LIN7A: variants seen among roughly 807,000 people sequenced by gnomAD.
The protein encoded by LIN7A is lin-7 cell polarity scaffold A.
LIN7A carries 25 observed loss-of-function variants against 29.8 expected under a neutral mutation model. The observed-to-expected ratio is 0.84, with a 90% CI of 0.61 to 1.17. The LOEUF (loss-of-function observed/expected upper bound fraction) is 1.17, where lower values mean the gene tolerates loss of function less well. Ranked by LOEUF, LIN7A falls within the 50% of genes most tolerant of loss-of-function variation. LIN7A has a pLI of 0.00. For synonymous variants in LIN7A, 118 were observed against 107.5 expected (o/e 1.10, Z -0.60); for missense variants, 239 against 287.0 (o/e 0.83, Z 1.21).
intron 1 of LIN7A, among the ~76,000 whole-genome samples, chr12:80,916,842 A>G (rs1877052825): frequency 6.6e-6 from 1 of 152,148 alleles, no homozygotes; most frequent in African/African-American, 2.4e-5. Context: ...GCTTTCCCGC[A>G]GAGAGAGCAA....
chr12:80,848,652 G>T (rs1269531457), intron 2 of LIN7A, among the ~76,000 whole-genome samples: 1 of 151,878 alleles, frequency 6.6e-6, no homozygotes, highest in Non-Finnish European at 1.5e-5. Flanking sequence ...AAACTTAAAG[G>T]ATGCCTTGAG....
intron 2 of LIN7A, among the ~76,000 whole-genome samples, chr12:80,876,270 C>A (rs1173928074): frequency 1.3e-5 from 2 of 151,946 alleles, no homozygotes; most frequent in Non-Finnish European, 2.9e-5. Flanking sequence ...GGGATGAGAA[C>A]CTAGAAACAG....
intron 1 of LIN7A, among the ~76,000 whole-genome samples, chr12:80,922,726 G>T (rs1040166673): frequency 1.3e-5 from 2 of 152,112 alleles, no homozygotes; most frequent in African/African-American, 4.8e-5. Context: ...GTCAATCTCT[G>T]TCCAAAAATA....
chr12:80,856,594 G>T (rs1873612558), intron 2 of LIN7A, among the ~76,000 whole-genome samples: 1 of 152,168 alleles, frequency 6.6e-6, no homozygotes, highest in South Asian at 2.1e-4. Context: ...CTTCGTGTAG[G>T]CTATTAGCTC....
At chr12:80,813,404 A>G (rs1424858208) in intron 4 of LIN7A, among the ~76,000 whole-genome samples, 1 of 152,160 alleles carries the variant, frequency 6.6e-6, no homozygotes, top group African/African-American at 2.4e-5. Flanking sequence ...GACTGCTAAT[A>G]ACTTAACAAA....
Position 80,845,715 on chromosome 12 carries a change from A to C in LIN7A, c.483+15T>G. 6.3e-7 allele frequency: 1 copy of C among 1,595,074 alleles called. No individual in the cohort carries two copies. Among genetic ancestry groups the C allele is most frequent in the South Asian group, 1.1e-5 (1 of 87,506 alleles). The stretch of plus-strand genomic sequence containing the variant: ...GTGCTTAAGGAGAAAATCTCTGGTT[A>C]TTTTATAAACATACCACTCCGTTCA... On this transcript the variant is annotated intron_variant, in intron 4 of 5. Transcript: ENST00000552864.
intron 1 of LIN7A, among the ~76,000 whole-genome samples, chr12:80,928,977 G>A (rs975471599): frequency 6.6e-6 from 1 of 152,046 alleles, no homozygotes; most frequent in Non-Finnish European, 1.5e-5. Flanking sequence ...GCTAGGGTAT[G>A]CTGTATTAGT....
intron 2 of LIN7A, among the ~76,000 whole-genome samples, chr12:80,887,195 A>G (rs1040719176): frequency 9.2e-5 from 14 of 152,066 alleles, no homozygotes; most frequent in African/African-American, 3.4e-4. Context: ...TCTCAAAAAT[A>G]TATATCTGGA....
chr12:80,937,419 C>A, intron 1 of LIN7A: 1 of 392,310 alleles, frequency 2.5e-6, no homozygotes. Context: ...AGGAGGCGTC[C>A]CCTCGGCGGG....
chr12:80,859,177 A>C (rs1030539045), intron 2 of LIN7A, among the ~76,000 whole-genome samples: 4 of 152,170 alleles, frequency 2.6e-5, no homozygotes, highest in Admixed American at 2.0e-4. Context: ...CTGCATCATA[A>C]ATGAATTAAG....
chr12:80,841,013 G>C (rs746158491), intron 4 of LIN7A, among the ~76,000 whole-genome samples: 1 of 152,138 alleles, frequency 6.6e-6, no homozygotes, highest in Non-Finnish European at 1.5e-5. Context: ...TTTACACACT[G>C]GTCTTGGTTC....
At chr12:80,923,847 C>T (rs771646377) in intron 1 of LIN7A, among the ~76,000 whole-genome samples, 1 of 152,178 alleles carries the variant, frequency 6.6e-6, no homozygotes, top group Non-Finnish European at 1.5e-5. Flanking sequence ...TGTTTAGCCT[C>T]TTTATGCCTC....
intron 3 of LIN7A, 159 bp downstream of exon 3, chr12:80,848,092 T>G (rs1157610261): frequency 1.4e-6 from 1 of 700,042 alleles, no homozygotes; most frequent in Non-Finnish European, 2.6e-6. Flanking sequence ...TCCATTAGGA[T>G]TTTTACCTGA....
chr12:80,820,919 T>C (rs1871772400), intron 4 of LIN7A, among the ~76,000 whole-genome samples: 1 of 152,114 alleles, frequency 6.6e-6, no homozygotes, highest in Non-Finnish European at 1.5e-5. Flanking sequence ...AGCAAAGGCT[T>C]AGAAATGTAC....
chr12:80,811,289 C>T (rs1871271743), intron 5 of LIN7A, among the ~76,000 whole-genome samples, 176 bp downstream of exon 5: 2 of 152,096 alleles, frequency 1.3e-5, no homozygotes, highest in Admixed American at 1.3e-4. Flanking sequence ...TTTTAGATCA[C>T]TGTCTTTTGT....
intron 2 of LIN7A, among the ~76,000 whole-genome samples, chr12:80,856,532 GA>G: frequency 6.6e-6 from 1 of 152,132 alleles, no homozygotes; most frequent in Non-Finnish European, 1.5e-5. Flanking sequence ...CTCAAACAAG[GA>G]CGAAAAACAA....
chr12:80,872,221 T>C (rs2120504092), intron 2 of LIN7A, among the ~76,000 whole-genome samples: 1 of 152,262 alleles, frequency 6.6e-6, no homozygotes, highest in South Asian at 2.1e-4. Context: ...ATTTCTAAGA[T>C]GAAAATTTGA....
At chr12:80,852,621 T>C (rs1873388263) in intron 2 of LIN7A, among the ~76,000 whole-genome samples, 1 of 152,202 alleles carries the variant, frequency 6.6e-6, no homozygotes, top group Admixed American at 6.5e-5. Context: ...AAGATGCAAT[T>C]GGAAAAGTGC....
At chr12:80,825,163 G>A (rs1182614166) in intron 4 of LIN7A, among the ~76,000 whole-genome samples, 5 of 152,150 alleles carry the variant, frequency 3.3e-5, no homozygotes, top group Non-Finnish European at 7.3e-5. Context: ...GGAAGGGAAG[G>A]GGTTTTATCA....
Sources: gnomAD v4.1 joint callset for allele counts (sites outside exome capture counted in the v4.1 genomes callset) on GRCh38, gnomAD v4.1.1 for gene constraint, MANE v1.5 for transcripts, NCBI Gene and HGNC (gene_info 2026-07-23, HGNC 2026-07-21) for gene names.